The following ARHGDIG variants were observed in gnomAD, a reference collection of about 807,000 sequenced individuals.
ARHGDIG encodes Rho GDP dissociation inhibitor gamma.
ARHGDIG carries 14 observed loss-of-function variants against 20.2 expected under a neutral mutation model. That is an observed-to-expected ratio of 0.69 (90% CI 0.46 to 1.08). The LOEUF (loss-of-function observed/expected upper bound fraction) is 1.08, where lower values mean the gene tolerates loss of function less well. ARHGDIG is among the 50% of genes least tolerant of loss of function. ARHGDIG has a pLI of 0.00. For synonymous variants in ARHGDIG, 193 were observed against 138.6 expected (o/e 1.39, Z -2.76); for missense variants, 311 against 301.8 (o/e 1.03, Z -0.23).
At chr16:281,352 G>GGT (rs2052280765) in intron 1 of ARHGDIG, 2 of 189,326 alleles carry the variant, frequency 1.1e-5, no homozygotes, top group African/African-American at 4.8e-5. Context: ...AGGTTTGGGG[G>GGT]CCGCCGAGGG....
intron 1 of ARHGDIG, chr16:281,504 TCTGGGCCAGAGGAG>T (rs913321921): frequency 2.0e-6 from 1 of 492,688 alleles, no homozygotes; most frequent in Non-Finnish European, 3.6e-6. Context: ...CTTGTGGACA[TCTGGGCCAGAGGAG>T]CTGCAGGCCT....
rs765174306 is a variant in ARHGDIG at position 281,811 on chromosome 16, G to A, written c.139G>A (p.Glu47Lys). The A allele has an allele frequency of 2.5e-6, 4 of 1,611,698 alleles. No homozygotes were observed. The highest frequency in any genetic ancestry group is 2.7e-5 in the African/African-American group (2 of 74,924). ...VDEVLDEAVPEYRAPGRKSLL... is the reference protein window; with the variant it reads ...VDEVLDEAVPKYRAPGRKSLL... ...CGAGGTGTTGGATGAGGCTGTGCCC[G>A]AGTACCGGGCGCCGGGGAGGAAGAG... The change falls in exon 2 of 6, where the codon GAG becomes AAG. Residue 47 changes from glutamate to lysine, a missense_variant. Glu to Lys is a moderately conservative substitution (Grantham distance 56, BLOSUM62 1). Coordinates refer to ENST00000219409, the MANE Select transcript of ARHGDIG (RefSeq NM_001176.4).
In ARHGDIG at chr16:282,383, G is replaced by T; in HGVS notation, c.414+10G>T. On this transcript the variant is annotated intron_variant, in intron 4 of 5. Transcript: ENST00000219409. ...GAAGATCTCCTTCAAGGTGAGAGCC[G>T]GGGCAATGGGCGGAGGGGATGGGGG... 1.2e-6 allele frequency: 2 copies of T among 1,612,472 alleles called. No individual in the cohort carries two copies. Among genetic ancestry groups the T allele is most frequent in the Non-Finnish European group, 1.7e-6 (2 of 1,179,846 alleles).
In ARHGDIG at chr16:282,825, C is replaced by A. The variant is rs552290912; in HGVS notation, c.*11C>A. ...GACTGGAAGGACTGAACCCCCAGTC[C>A]GTGTCTCCCCTACCTCCCTCAGTTG... On this transcript the variant is annotated 3_prime_UTR_variant, in exon 6 of 6. Coordinates refer to ENST00000219409, the MANE Select transcript of ARHGDIG (RefSeq NM_001176.4). 1.9e-6 allele frequency: 3 copies of A among 1,581,074 alleles called. No homozygotes were observed. The South Asian group carries it at 3.4e-5, about 18-fold the overall frequency.
intron 5 of ARHGDIG, 28 bp downstream of exon 5, chr16:282,558 C>CGGGGGGGGAAGGGGGGGGGGAAAGGGGG: frequency 1.5e-6 from 2 of 1,310,076 alleles, no homozygotes; most frequent in Non-Finnish European, 2.0e-6. Flanking sequence ...GGGAACGGGG[C>CGGGGGGGGAAGGGGGGGGGGAAAGGGGG]GGGGGGGGGA....
chr16:281,699 G>A (rs751821634), intron 1 of ARHGDIG, 47 bp from the exon 2 acceptor site: 2 of 1,509,512 alleles, frequency 1.3e-6, no homozygotes, highest in South Asian at 2.5e-5. Flanking sequence ...GTGCTCGAAT[G>A]CCAGGGTCCG....
Position 281,882 on chromosome 16 carries a change from C to G in ARHGDIG, c.210C>G (p.Ala70=). The G allele has an allele frequency of 6.2e-7, 1 of 1,609,594 alleles. No individual in the cohort carries two copies. The highest frequency in any genetic ancestry group is 8.5e-7 in the Non-Finnish European group (1 of 1,179,738). ...RQLDPDDRSL[A]KYKRVLLGPL... ...TGGACCCGGACGACAGGAGCCTGGC[C>G]AAGTACAAGCGGGTGCTGCTGGGGC... is the stretch of plus-strand genomic sequence containing the variant. The change falls in exon 2 of 6, where the codon GCC becomes GCG. Residue 70 remains alanine (A), a synonymous_variant. Coordinates refer to ENST00000219409, the MANE Select transcript of ARHGDIG (RefSeq NM_001176.4).
In ARHGDIG at chr16:282,522, GCCTGCGCGGT is replaced by G; in HGVS notation, c.471_478+2del. 1 of 1,603,466 alleles carries G rather than the reference GCCTGCGCGGT, an allele frequency of 6.2e-7. No individual in the cohort carries two copies. The highest frequency in any genetic ancestry group is 1.1e-5 in the South Asian group (1 of 90,150). ...TGTCTGCACCACACCTACCGCCGGG[GCCTGCGCGGT>G]GAGGGCAGCGGTGGGGGGAACGGGG... On this transcript the variant is annotated splice_donor_variant and coding_sequence_variant, in exon 5 of 6. Coordinates refer to ENST00000219409, the MANE Select transcript of ARHGDIG (RefSeq NM_001176.4). LOFTEE classifies it high-confidence loss of function.
chr16:281,695 G>A (rs1437293599), intron 1 of ARHGDIG, 51 bp from the exon 2 acceptor site: 12 of 1,503,736 alleles, frequency 8.0e-6, no homozygotes, highest in South Asian at 5.0e-5. Flanking sequence ...CCTGGTGCTC[G>A]AATGCCAGGG....
In ARHGDIG at chr16:280,697, C is replaced by T. The variant is rs1188505342; in HGVS notation, c.17C>T (p.Ala6Val). MLGLD[A>V]CELGAQLLEL... ...CGCGCCGCCATGCTGGGCCTGGACG[C>T]GTGCGAGCTGGGGGCGCAGCTGCTG... Residue 6 changes from alanine (A) to valine (V), a missense_variant, in exon 1 of 6, where the codon GCG becomes GTG. Physicochemically the swap from Ala to Val is moderately conservative, Grantham distance 64. Transcript: ENST00000219409. The surrounding 1 kb of genome is among the most constrained non-coding windows in gnomAD (Gnocchi z 6.6). 3.2e-6 allele frequency: 4 copies of T among 1,235,174 alleles called. No individual in the cohort carries two copies. Among genetic ancestry groups the T allele is most frequent in the Non-Finnish European group, 4.1e-6 (4 of 982,628 alleles). 76.5% of individuals were successfully genotyped at this position (1,235,174 alleles called of 1,614,324 possible).
chr16:281,805 G>A lies in ARHGDIG; in HGVS notation c.133G>A (p.Val45Met). The A allele has an allele frequency of 6.2e-7, 1 of 1,611,706 alleles. No individual in the cohort carries two copies. Among genetic ancestry groups the A allele is most frequent in the Non-Finnish European group, 8.5e-7 (1 of 1,179,628 alleles). ...AGTGGACGAGGTGTTGGATGAGGCTGTGCCCGAGTACCGGGCGCCGGGGAG... is the reference window on the plus strand; with the variant it reads ...AGTGGACGAGGTGTTGGATGAGGCTATGCCCGAGTACCGGGCGCCGGGGAG... ...PAVDEVLDEA[V>M]PEYRAPGRKS... The change falls in exon 2 of 6, where the codon GTG becomes ATG. Residue 45 changes from valine (V) to methionine (M), a missense_variant. Transcript: ENST00000219409.
At position 282,717 on chromosome 16, in the gene ARHGDIG, G is replaced by C; in HGVS notation, c.581G>C (p.Gly194Ala). The C allele has an allele frequency of 6.2e-7, 1 of 1,604,524 alleles. No homozygotes were observed. Among genetic ancestry groups the C allele is most frequent in the Non-Finnish European group, 8.5e-7 (1 of 1,175,892 alleles). The change falls in exon 6 of 6, where the codon GGC becomes GCC. Residue 194 changes from glycine to alanine, a missense_variant. By Grantham distance (60) the Gly-to-Ala change is moderately conservative (BLOSUM62 0). Transcript: ENST00000219409. ...GCGCCGAGGGGTGCGCTGGTGCGGG[G>C]CCCCTATCTGGTGGTGTCCCTCTTC... is the stretch of plus-strand genomic sequence containing the variant. ...EEAPRGALVR[G>A]PYLVVSLFTD... is the part of the protein sequence containing the mutation.
chr16:282,748 C>T lies in ARHGDIG; in HGVS notation c.612C>T (p.Asp204=), dbSNP rs763459771. The part of the protein sequence containing the change: ...GPYLVVSLFT[D]DDRTHHLSWE... ...ATCTGGTGGTGTCCCTCTTCACCGACGATGACAGGACGCACCACCTGTCCT... is the reference window on the plus strand; with the variant it reads ...ATCTGGTGGTGTCCCTCTTCACCGATGATGACAGGACGCACCACCTGTCCT... The change falls in exon 6 of 6, where the codon GAC becomes GAT. Residue 204 remains aspartate (D), a synonymous_variant. Transcript: ENST00000219409. 45 of 1,607,810 alleles carry T rather than the reference C, an allele frequency of 2.8e-5. No individual in the cohort carries two copies. The highest frequency in any genetic ancestry group is 1.0e-4 in the Admixed American group (6 of 59,366).
chr16:282,764 C>T lies in ARHGDIG; in HGVS notation c.628C>T (p.His210Tyr), dbSNP rs201607929. Residue 210 changes from histidine to tyrosine, a missense_variant, in exon 6 of 6, where the codon CAC (histidine) becomes TAC (tyrosine). Physicochemically the swap from His to Tyr is moderately conservative, Grantham distance 83. Coordinates refer to ENST00000219409, the MANE Select transcript of ARHGDIG (RefSeq NM_001176.4). ...CTTCACCGACGATGACAGGACGCAC[C>T]ACCTGTCCTGGGAGTGGGGTCTCTG... ...SLFTDDDRTH[H>Y]LSWEWGLCIC... 2.8e-4 allele frequency: 451 copies of T among 1,609,310 alleles called. 8 individuals carry two copies. In the East Asian group the frequency reaches 9.8e-3, roughly 35 times the overall value.
chr16:280,977 T>C lies in ARHGDIG; in HGVS notation c.73+224T>C. The stretch of plus-strand genomic sequence containing the variant: ...GGGAAGCGGCGGCGCTGGGACCCTC[T>C]CCCCCTGGACACCGCCGCCTGGAGC... On this transcript the variant is annotated intron_variant, in intron 1 of 5. Coordinates refer to ENST00000219409, the MANE Select transcript of ARHGDIG (RefSeq NM_001176.4). The surrounding 1 kb of genome is among the most constrained non-coding windows in gnomAD (Gnocchi z 6.6). 4.5e-6 allele frequency: 1 copy of C among 222,780 alleles called. No homozygotes were observed. Among genetic ancestry groups the C allele is most frequent in the Non-Finnish European group, 9.2e-6 (1 of 108,456 alleles). 13.8% of individuals were successfully genotyped at this position (222,780 alleles called of 1,614,324 possible).
In ARHGDIG at chr16:281,906, GC is replaced by G; in HGVS notation, c.238del (p.Leu80CysfsTer14). ...LAKYKRVLLG[P>X]LPPAVDPSLP... ...CCAAGTACAAGCGGGTGCTGCTGGGGCCCCTGCCACCGGCCGTGGGTATGGC... is the reference window on the plus strand; with the variant it reads ...CCAAGTACAAGCGGGTGCTGCTGGGGCCCTGCCACCGGCCGTGGGTATGGC... On this transcript the variant is annotated frameshift_variant, in exon 2 of 6. Transcript: ENST00000219409. LOFTEE classifies it high-confidence loss of function. The G allele has an allele frequency of 6.2e-7, 1 of 1,606,060 alleles. No individual in the cohort carries two copies. Among genetic ancestry groups the G allele is most frequent in the Non-Finnish European group, 8.5e-7 (1 of 1,178,592 alleles).
chr16:282,562 G>A (rs750455744), intron 5 of ARHGDIG, 32 bp downstream of exon 5: 15 of 1,544,306 alleles, frequency 9.7e-6, no homozygotes, highest in East Asian at 2.4e-5. Context: ...ACGGGGCGGG[G>A]GGGGGAAGCG....
intron 1 of ARHGDIG, 95 bp from the exon 2 acceptor site, chr16:281,651 A>C (rs1309125592): frequency 7.4e-7 from 1 of 1,342,998 alleles, no homozygotes; most frequent in East Asian, 2.5e-5. Context: ...CCCTTTGGAT[A>C]GTGGGAGGTA....
Position 282,394 on chromosome 16 carries a change from C to T in ARHGDIG, c.414+21C>T, listed in dbSNP as rs201140557. 2.0e-3 allele frequency: 2,242 copies of T among 1,137,578 alleles called. 15 individuals carry two copies. The highest frequency in any genetic ancestry group is 0.019 in the East Asian group (628 of 32,896). 70.5% of individuals were successfully genotyped at this position (1,137,578 alleles called of 1,614,324 possible). ...TCAAGGTGAGAGCCGGGGCAATGGG[C>T]GGAGGGGATGGGGGTGGGGGCAACA... On this transcript the variant is annotated intron_variant, in intron 4 of 5. Coordinates refer to ENST00000219409, the MANE Select transcript of ARHGDIG (RefSeq NM_001176.4).
Sources: allele counts gnomAD v4.1 joint callset, GRCh38; gene constraint gnomAD v4.1.1; non-coding constraint Gnocchi (gnomAD v3.1); transcripts MANE v1.5; gene names NCBI Gene and HGNC (gene_info 2026-07-23, HGNC 2026-07-21).